Variants in AGT observed in about 807,000 individuals in gnomAD.
AGT encodes angiotensinogen, also known as alpha-1 antiproteinase, antitrypsin.
A neutral mutation model predicts 28.1 loss-of-function variants in AGT; 26 were observed. That is an observed-to-expected ratio of 0.92 (90% CI 0.68 to 1.28). The LOEUF (loss-of-function observed/expected upper bound fraction) is 1.28, where lower values mean the gene tolerates loss of function less well. Among genes scored for constraint, AGT ranks in the 50% most tolerant of loss-of-function variants. AGT has a pLI of 0.00. For missense variants in AGT, 596 were observed against 592.3 expected (o/e 1.01, Z -0.06); for synonymous variants, 259 against 259.6 (o/e 1.00, Z 0.02).
rs529976951 is a variant in AGT, at chr1:230,742,410, G to A, written c.-31+3105C>T. Reference sequence around the variant, plus strand: ...GGCTCACTGCAACCTCCACCTCCCGGGTTCAAGCAATTCTCCTACCTCTGC... The same window carrying A: ...GGCTCACTGCAACCTCCACCTCCCGAGTTCAAGCAATTCTCCTACCTCTGC... On this transcript the variant is annotated intron_variant, in intron 1 of 4. Coordinates refer to the AGT transcript ENST00000681269. Among the ~76,000 whole-genome samples, 7 of 152,226 alleles carry A rather than the reference G, an allele frequency of 4.6e-5. No homozygotes were observed. The South Asian group carries it at 1.5e-3, about 32-fold the overall frequency.
intron 1 of AGT, among the ~76,000 whole-genome samples, chr1:230,721,687 G>A (rs1663846270): frequency 1.3e-5 from 2 of 152,188 alleles, no homozygotes; most frequent in Admixed American, 6.5e-5. Flanking sequence ...TGGAAATAAG[G>A]AACTTATTGG....
rs1663672887 is a variant in AGT at position 230,714,085 on chromosome 1, C to T, written c.-31+1G>A. ...AGGAGCTGAGGGGGCCCCCGGCTTACCTTCTGCTGTAGTACCCAGAACAAC... is the reference window on the plus strand; with the variant it reads ...AGGAGCTGAGGGGGCCCCCGGCTTATCTTCTGCTGTAGTACCCAGAACAAC... On this transcript the variant is annotated splice_donor_variant, in intron 1 of 4. Coordinates refer to ENST00000366667, the MANE Select transcript of AGT (RefSeq NM_001384479.1). LOFTEE classifies it low-confidence loss of function (5UTR_SPLICE). 6.6e-6 allele frequency: 1 copy of T among 152,234 alleles called. No individual in the cohort carries two copies. Among genetic ancestry groups the T allele is most frequent in the Non-Finnish European group, 1.5e-5 (1 of 68,114 alleles). 9.4% of individuals were successfully genotyped at this position (152,234 alleles called of 1,614,324 possible).
At chr1:230,733,882 C>G (rs1191601426) in intron 1 of AGT, among the ~76,000 whole-genome samples, 1 of 152,030 alleles carries the variant, frequency 6.6e-6, no homozygotes, top group Non-Finnish European at 1.5e-5. Context: ...GAGACCATTT[C>G]ATGTTCTTGT....
exon 1 of AGT, among the ~76,000 whole-genome samples, chr1:230,745,534 C>T (rs1664336467): frequency 6.6e-6 from 1 of 152,152 alleles, no homozygotes; most frequent in African/African-American, 2.4e-5. Flanking sequence ...AGCTGGAAGT[C>T]CAAGATCAAG....
intron 3 of AGT, among the ~76,000 whole-genome samples, chr1:230,704,746 A>T (rs1663334320): frequency 6.6e-6 from 1 of 152,248 alleles, no homozygotes; most frequent in Non-Finnish European, 1.5e-5. Context: ...GCAGGAGGGT[A>T]CAGTGTCAAC....
intron 1 of AGT, among the ~76,000 whole-genome samples, chr1:230,742,473 G>A (rs1664264948): frequency 6.6e-6 from 1 of 152,094 alleles, no homozygotes; most frequent in African/African-American, 2.4e-5. Context: ...CCACCACTAT[G>A]CCTGGCTAAT....
At position 230,710,661 on chromosome 1, in the gene AGT, C is replaced by A. The variant is rs374540090; in HGVS notation, c.163G>T (p.Asp55Tyr). 14 of 1,614,136 alleles carry A rather than the reference C, an allele frequency of 8.7e-6. No homozygotes were observed. In the African/African-American group the frequency reaches 1.9e-4, roughly 22 times the overall value. Residue 55 changes from aspartate to tyrosine, a missense_variant, in exon 2 of 5, where the codon GAC becomes TAC. Asp to Tyr is a radical substitution (Grantham distance 160, BLOSUM62 -3). Transcript: ENST00000366667. ...ATTGGAGCAGGTATGAAGGTGGGGT[C>A]TTTGGGCTTCCCGGCATTGGCCTTT... ...LAKANAGKPK[D>Y]PTFIPAPIQA...
At chr1:230,732,819 G>C (rs1390200768) in intron 1 of AGT, among the ~76,000 whole-genome samples, 1 of 152,206 alleles carries the variant, frequency 6.6e-6, no homozygotes, top group Admixed American at 6.5e-5. Flanking sequence ...GCTGTCTCAA[G>C]GGTGGCAGAG....
At chr1:230,709,873 G>T in intron 2 of AGT, 122 bp downstream of exon 2, 1 of 1,432,412 alleles carries the variant, frequency 7.0e-7, no homozygotes, top group African/African-American at 1.4e-5. Context: ...CTTCTCAAGG[G>T]TGGTCACCAG....
intron 1 of AGT, among the ~76,000 whole-genome samples, chr1:230,724,113 T>C (rs2102799486): frequency 6.6e-6 from 1 of 152,350 alleles, no homozygotes; most frequent in African/African-American, 2.4e-5. Context: ...AACACAGCCA[T>C]GCTCATTAGT....
chr1:230,711,812 C>T (rs980141071), intron 1 of AGT, among the ~76,000 whole-genome samples: 59 of 100,500 alleles, frequency 5.9e-4, no homozygotes, highest in African/African-American at 3.5e-3. Context: ...GCTGGGACCA[C>T]GTATAAAAAA....
At chr1:230,714,021 C>T (rs1454624738) in intron 1 of AGT, 65 bp downstream of exon 1, 1 of 152,244 alleles carries the variant, frequency 6.6e-6, no homozygotes, top group African/African-American at 2.4e-5. Context: ...TTCCTCCTAG[C>T]CCACAGCTCA....
intron 1 of AGT, among the ~76,000 whole-genome samples, chr1:230,743,385 A>C (rs1162860810): frequency 6.6e-6 from 1 of 152,136 alleles, no homozygotes; most frequent in Non-Finnish European, 1.5e-5. Context: ...TCAAGTCTGA[A>C]GGCAGGACGC....
chr1:230,711,102 T>C (rs915394470), intron 1 of AGT, among the ~76,000 whole-genome samples: 13 of 152,244 alleles, frequency 8.5e-5, no homozygotes, highest in African/African-American at 3.1e-4. Context: ...ATGCCCGTGT[T>C]GAAGTCCTCA....
At chr1:230,713,214 C>T (rs936625014) in intron 1 of AGT, among the ~76,000 whole-genome samples, 1 of 152,156 alleles carries the variant, frequency 6.6e-6, no homozygotes, top group Admixed American at 6.5e-5. Flanking sequence ...ATGTGAGCCC[C>T]GGAACAGGGT....
rs763462397 is a variant in AGT at position 230,710,228 on chromosome 1, A to G, written c.596T>C (p.Val199Ala). ...GCCTGGGGCTGTGAACACGCCCACC[A>G]CCGTGGACAGCAGCAGCTGGGCCTG... ...DSQAQLLLSTVVGVFTAPGLH... is the reference protein window; with the variant it reads ...DSQAQLLLSTAVGVFTAPGLH... Residue 199 changes from valine to alanine, a missense_variant, in exon 2 of 5, where the codon GTG (valine) becomes GCG (alanine). Transcript: ENST00000366667. The G allele has an allele frequency of 6.2e-7, 1 of 1,613,666 alleles. No individual in the cohort carries two copies.
intron 1 of AGT, among the ~76,000 whole-genome samples, chr1:230,733,585 G>A (rs184441745): frequency 1.5e-4 from 23 of 152,214 alleles, no homozygotes; most frequent in African/African-American, 5.1e-4. Flanking sequence ...AACAAGTCAC[G>A]CCAAAATGTC....
At chr1:230,736,852 G>C (rs924220678) in intron 1 of AGT, among the ~76,000 whole-genome samples, 9 of 152,166 alleles carry the variant, frequency 5.9e-5, no homozygotes, top group Non-Finnish European at 8.8e-5. Flanking sequence ...GAGTCTGTGG[G>C]AGGCATCTAT....
At chr1:230,717,061 C>A (rs1663751087), upstream of AGT, among the ~76,000 whole-genome samples, 1 of 148,268 alleles carries the variant, frequency 6.7e-6, no homozygotes, top group East Asian at 2.0e-4. Context: ...TGACACAGCC[C>A]TAGATCCCTT....
Sources: allele counts gnomAD v4.1 joint callset (sites outside exome capture counted in the v4.1 genomes callset), GRCh38; gene constraint gnomAD v4.1.1; transcripts MANE v1.5; gene names NCBI Gene and HGNC (gene_info 2026-07-23, HGNC 2026-07-21).